Variants in B4GALT6 observed in about 807,000 individuals in gnomAD.
B4GALT6 encodes the protein beta-1,4-galactosyltransferase 6, also known as UDP-Gal:beta-GlcNAc beta-1,4-galactosyltransferase 6.
Under a neutral mutation model 46.3 loss-of-function variants are expected in B4GALT6, and 14 were observed. The observed-to-expected ratio is 0.30, with a 90% CI of 0.20 to 0.47. The LOEUF is 0.47. Among genes scored for constraint, B4GALT6 ranks in the 20% least tolerant of loss-of-function variants. B4GALT6 has a pLI of 0.99. For missense variants in B4GALT6, 386 were observed against 480.1 expected (o/e 0.80, Z 1.83); for synonymous variants, 168 against 162.0 (o/e 1.04, Z -0.28).
At chr18:31,713,182 G>A in the B4GALT6 span, among the ~76,000 whole-genome samples, 1 of 152,076 alleles carries the variant, frequency 6.6e-6, no homozygotes, top group African/African-American at 2.4e-5. Flanking sequence ...GTGAAACCCT[G>A]TCTGTACAAA....
the B4GALT6 span, among the ~76,000 whole-genome samples, chr18:31,714,259 C>T: frequency 1.3e-5 from 2 of 152,236 alleles, no homozygotes; most frequent in Admixed American, 1.3e-4. Flanking sequence ...CATCATTGCA[C>T]AAAGTTCTAT....
At chr18:31,697,652 T>C in the B4GALT6 span, among the ~76,000 whole-genome samples, 1 of 152,210 alleles carries the variant, frequency 6.6e-6, no homozygotes, top group Non-Finnish European at 1.5e-5. Flanking sequence ...TAGCTTGGCC[T>C]ATGTGCAGAA....
At chr18:31,668,410 A>C (rs1489619752) in intron 1 of B4GALT6, among the ~76,000 whole-genome samples, 1 of 152,244 alleles carries the variant, frequency 6.6e-6, no homozygotes, top group Non-Finnish European at 1.5e-5. Flanking sequence ...CCTCTGCATC[A>C]TGCAATATAC....
upstream of B4GALT6, chr18:31,686,217 A>G (rs1037512290): frequency 6.6e-6 from 1 of 152,146 alleles, no homozygotes; most frequent in Admixed American, 6.5e-5. Flanking sequence ...TTTGCTGAGT[A>G]TTTCCAGATG....
chr18:31,658,007 G>A lies in B4GALT6; in HGVS notation c.315C>T (p.Tyr105=), dbSNP rs2074163135. The A allele has an allele frequency of 3.1e-6, 5 of 1,613,370 alleles. No homozygotes were observed. Among genetic ancestry groups the A allele is most frequent in the Non-Finnish European group, 4.2e-6 (5 of 1,179,652 alleles). ...AAGGCAGCTTTTCTGGACAGGGGAG[G>A]TATGGTGAGTATGTGAAGTTTTCCG... is the stretch of plus-strand genomic sequence containing the variant. ...YLPENFTYSP[Y]LPCPEKLPYM... is the part of the protein sequence containing the mutation. Residue 105 remains tyrosine, a synonymous_variant, in exon 3 of 9, where the codon TAC becomes TAT. Coordinates refer to ENST00000306851, the MANE Select transcript of B4GALT6 (RefSeq NM_004775.5).
chr18:31,669,970 G>C (rs1265998029), intron 1 of B4GALT6, among the ~76,000 whole-genome samples: 1 of 152,040 alleles, frequency 6.6e-6, no homozygotes, highest in African/African-American at 2.4e-5. Context: ...ATGCTAAGTA[G>C]AAGCATTATA....
intron 7 of B4GALT6, 52 bp from the exon 8 acceptor site, chr18:31,626,436 G>C (rs1439085043): frequency 9.4e-7 from 1 of 1,064,136 alleles, no homozygotes; most frequent in Admixed American, 2.1e-5. Flanking sequence ...ATATGAAAAT[G>C]GGTTATGTGA....
chr18:31,671,098 A>G (rs571677344), intron 1 of B4GALT6, among the ~76,000 whole-genome samples: 2 of 152,296 alleles, frequency 1.3e-5, no homozygotes, highest in African/African-American at 4.8e-5. Flanking sequence ...TTATGGCTGC[A>G]TAATTCCATG....
the B4GALT6 span, among the ~76,000 whole-genome samples, chr18:31,713,582 T>C: frequency 1.3e-5 from 2 of 152,224 alleles, no homozygotes; most frequent in Non-Finnish European, 2.9e-5. Context: ...TAAGACAGTT[T>C]GAAGCCTCTG....
the B4GALT6 span, among the ~76,000 whole-genome samples, chr18:31,706,429 G>T: frequency 1.9e-4 from 29 of 152,206 alleles, no homozygotes; most frequent in African/African-American, 6.3e-4. Context: ...TCAGGAGTTC[G>T]AGATCAGCCT....
intron 4 of B4GALT6, among the ~76,000 whole-genome samples, chr18:31,644,951 G>T (rs143206674): frequency 1.1e-3 from 165 of 152,324 alleles, no homozygotes; most frequent in African/African-American, 3.9e-3. Context: ...TATCCTCCCA[G>T]TGAGTTCTCA....
the B4GALT6 span, chr18:31,724,353 G>T: frequency 1.1e-6 from 1 of 942,470 alleles, no homozygotes. Flanking sequence ...CTCTGGAGTG[G>T]GTCCAGGACC....
intron 3 of B4GALT6, among the ~76,000 whole-genome samples, chr18:31,654,560 T>G (rs929840835): frequency 6.6e-6 from 1 of 152,252 alleles, no homozygotes; most frequent in Admixed American, 6.5e-5. Context: ...ACATTTTATC[T>G]GTATTCTAGT....
At chr18:31,650,895 T>C (rs575766764) in intron 3 of B4GALT6, among the ~76,000 whole-genome samples, 6 of 152,022 alleles carry the variant, frequency 3.9e-5, no homozygotes, top group South Asian at 2.1e-4. Flanking sequence ...CACCCCCGAG[T>C]AGCTGGGACT....
intron 1 of B4GALT6, among the ~76,000 whole-genome samples, chr18:31,672,598 G>A (rs1399193725): frequency 6.6e-6 from 1 of 152,192 alleles, no homozygotes; most frequent in East Asian, 1.9e-4. Context: ...ATGCTAAGGA[G>A]AAGGACTTAA....
chr18:31,633,889 C>T (rs530849046), intron 5 of B4GALT6, among the ~76,000 whole-genome samples: 2 of 152,292 alleles, frequency 1.3e-5, no homozygotes, highest in Admixed American at 6.5e-5. Context: ...TTACTACTGC[C>T]GGTCCTTCTG....
At chr18:31,632,636 T>C (rs1330992132) in intron 5 of B4GALT6, among the ~76,000 whole-genome samples, 2 of 152,234 alleles carry the variant, frequency 1.3e-5, no homozygotes, top group African/African-American at 4.8e-5. Flanking sequence ...CTCCTGCCCC[T>C]ACCTCTATTC....
chr18:31,697,628 A>G, the B4GALT6 span, among the ~76,000 whole-genome samples: 861 of 152,352 alleles, frequency 5.7e-3, 21 homozygotes, highest in East Asian at 0.072. Context: ...TACAAACTAA[A>G]TTCCTCCCAT....
Position 31,624,402 on chromosome 18 carries a change from T to C in B4GALT6, c.*1212A>G, listed in dbSNP as rs994643663. 4 of 151,982 alleles carry C rather than the reference T, an allele frequency of 2.6e-5. No homozygotes were observed. The highest frequency in any genetic ancestry group is 4.4e-5 in the Non-Finnish European group (3 of 67,878). The allele number at this position is 151,982 out of a possible 1,614,324, so 9.4% of individuals were successfully genotyped here. Reference sequence around the variant, plus strand: ...ATTTTAGTAATTAACACCAGAGATATAATCTCTTAAAAGTGAAAAAAACAA... The same window carrying C: ...ATTTTAGTAATTAACACCAGAGATACAATCTCTTAAAAGTGAAAAAAACAA... On this transcript the variant is annotated 3_prime_UTR_variant, in exon 9 of 9. Transcript: ENST00000306851.
Sources: allele counts gnomAD v4.1 joint callset (sites outside exome capture counted in the v4.1 genomes callset), GRCh38; gene constraint gnomAD v4.1.1; transcripts MANE v1.5; gene names NCBI Gene and HGNC (gene_info 2026-07-23, HGNC 2026-07-21).